Variants in PSMC2 observed in about 807,000 individuals in gnomAD.
The protein encoded by PSMC2 is 26S proteasome regulatory subunit 7.
Under a neutral mutation model 53.3 loss-of-function variants are expected in PSMC2, and 7 were observed. The ratio of observed to expected loss-of-function variants is 0.13; its 90% CI spans 0.07 to 0.25. The LOEUF is 0.25. Among genes scored for constraint, PSMC2 ranks in the 10% least tolerant of loss-of-function variants. PSMC2 has a pLI of 1.00. For missense variants in PSMC2, 241 were observed against 544.0 expected (o/e 0.44, Z 5.54); for synonymous variants, 169 against 183.9 (o/e 0.92, Z 0.66).
At chr7:103,362,931 T>A (rs1053248509) in intron 6 of PSMC2, among the ~76,000 whole-genome samples, 173 bp downstream of exon 6, 61 of 151,924 alleles carry the variant, frequency 4.0e-4, no homozygotes, top group African/African-American at 1.4e-3. Context: ...GTAGCTGGGA[T>A]TACAGGCACC....
At chr7:103,361,337 A>G (rs1400172187) in intron 4 of PSMC2, among the ~76,000 whole-genome samples, 3 of 120,024 alleles carry the variant, frequency 2.5e-5, no homozygotes, top group Non-Finnish European at 5.3e-5. Flanking sequence ...CCTCTCTACT[A>G]AAAAAAAAAA....
At chr7:103,354,727 G>A (rs1819935349) in intron 2 of PSMC2, 141 bp from the exon 3 acceptor site, 2 of 598,394 alleles carry the variant, frequency 3.3e-6, no homozygotes, top group South Asian at 4.1e-5. Flanking sequence ...GGGAAATATT[G>A]GGTCAGGAAT....
chr7:103,360,059 C>A (rs1388608472), intron 4 of PSMC2, among the ~76,000 whole-genome samples: 1 of 149,286 alleles, frequency 6.7e-6, no homozygotes, highest in Non-Finnish European at 1.5e-5. Flanking sequence ...CCAGCCTGGG[C>A]AGCAGTGAGA....
chr7:103,367,545 C>A lies in PSMC2; in HGVS notation c.977C>A (p.Thr326Asn). Residue 326 changes from threonine (T) to asparagine (N), a missense_variant, in exon 10 of 12, where the codon ACT becomes AAT. Physicochemically the swap from Thr to Asn is moderately conservative, Grantham distance 65 (BLOSUM62 0). Around this residue, in one of 6 missense-constraint regions of PSMC2, gnomAD observed 10 missense variants for 41.0 expected, o/e 0.24. Coordinates refer to ENST00000292644, the MANE Select transcript of PSMC2 (RefSeq NM_002803.4). The surrounding 1 kb of genome is among the most constrained non-coding windows in gnomAD (Gnocchi z 6.1). The stretch of plus-strand genomic sequence containing the variant: ...CTGATGGCCACTAACAGACCTGATA[C>A]TTTGGATCCAGCACTGATGAGGCCA... ...KVLMATNRPDTLDPALMRPGR... is the reference protein window; with the variant it reads ...KVLMATNRPDNLDPALMRPGR... The A allele has an allele frequency of 6.2e-7, 1 of 1,614,128 alleles. No homozygotes were observed. The highest frequency in any genetic ancestry group is 8.5e-7 in the Non-Finnish European group (1 of 1,180,032).
Position 103,347,652 on chromosome 7 carries a change from C to T in PSMC2, c.-60C>T, listed in dbSNP as rs1396014360. 4 of 1,599,032 alleles carry T rather than the reference C, an allele frequency of 2.5e-6. No individual in the cohort carries two copies. Among genetic ancestry groups the T allele is most frequent in the East Asian group, 2.2e-5 (1 of 44,718 alleles). On this transcript the variant is annotated 5_prime_UTR_variant, in exon 1 of 12. Coordinates refer to ENST00000292644, the MANE Select transcript of PSMC2 (RefSeq NM_002803.4). ...TGGGGAAGGGAAAGGGAAGACACCA[C>T]CGGAAGCAAGGAAGGTGCTGTGTAA... is the stretch of plus-strand genomic sequence containing the variant.
At position 103,367,562 on chromosome 7, in the gene PSMC2, A is replaced by G. The variant is rs989899179; in HGVS notation, c.994A>G (p.Met332Val). The G allele has an allele frequency of 1.2e-6, 2 of 1,614,066 alleles. No homozygotes were observed. The highest frequency in any genetic ancestry group is 1.7e-6 in the Non-Finnish European group (2 of 1,180,046). ...ACCTGATACTTTGGATCCAGCACTG[A>G]TGAGGCCAGGGAGATTGGATAGAAA... ...NRPDTLDPAL[M>V]RPGRLDRKIE... Residue 332 changes from methionine to valine, a missense_variant, in exon 10 of 12, where the codon ATG becomes GTG. By Grantham distance (21) the Met-to-Val change is conservative. Coordinates refer to ENST00000292644, the MANE Select transcript of PSMC2 (RefSeq NM_002803.4). This position sits in a 1 kb window ranked among gnomAD's most constrained non-coding sequence, Gnocchi z 6.1.
rs1820850462 is a variant in PSMC2 at position 103,368,643 on chromosome 7, C to T, written c.*589C>T. ...CATTGGATGTATATGTTTTGCATTG[C>T]CATTTGATTTCAAATTAATCAGGAA... On this transcript the variant is annotated 3_prime_UTR_variant, in exon 12 of 12. Coordinates refer to ENST00000292644, the MANE Select transcript of PSMC2 (RefSeq NM_002803.4). The T allele has an allele frequency of 1.3e-5, 2 of 151,976 alleles. No individual in the cohort carries two copies. The highest frequency in any genetic ancestry group is 4.1e-4 in the South Asian group (2 of 4,826). The allele number at this position is 151,976 out of a possible 1,614,324, so 9.4% of individuals were successfully genotyped here.
chr7:103,365,113 A>G (rs554994620), intron 8 of PSMC2, among the ~76,000 whole-genome samples: 4 of 151,904 alleles, frequency 2.6e-5, no homozygotes, highest in Admixed American at 6.5e-5. Flanking sequence ...TAAAACTTGC[A>G]AGTCAAATTC....
At chr7:103,362,901 C>G in intron 6 of PSMC2, 143 bp downstream of exon 6, 1 of 624,044 alleles carries the variant, frequency 1.6e-6, no homozygotes, top group Non-Finnish European at 2.8e-6. Context: ...TCAAGCAATT[C>G]TCCTGCCTCA....
At chr7:103,362,157 C>T (rs1820449797) in intron 5 of PSMC2, 69 bp downstream of exon 5, 1 of 1,590,240 alleles carries the variant, frequency 6.3e-7, no homozygotes, top group Non-Finnish European at 8.5e-7. Flanking sequence ...ATATCCTTGG[C>T]TTTGTAGTGA....
At chr7:103,352,847 C>A in intron 1 of PSMC2, 1 of 780,896 alleles carries the variant, frequency 1.3e-6, no homozygotes, top group Non-Finnish European at 2.4e-6. Flanking sequence ...CCCTGTCCAC[C>A]TGGCCCCAAA....
At position 103,363,312 on chromosome 7, in the gene PSMC2, C is replaced by T. The variant is rs200258655; in HGVS notation, c.496-32C>T. ...TGGACAGTATCCAAAAAGCCTGTGA[C>T]TGTATGTTGTACATTTCTGTCCCTC... On this transcript the variant is annotated intron_variant, in intron 6 of 11. Transcript: ENST00000292644. 670 of 1,537,912 alleles carry T rather than the reference C, an allele frequency of 4.4e-4. 5 individuals are homozygous for T. The highest frequency in any genetic ancestry group is 4.7e-5 in the Non-Finnish European group (52 of 1,110,894).
chr7:103,361,633 A>G (rs982368674), intron 4 of PSMC2, among the ~76,000 whole-genome samples: 3 of 152,164 alleles, frequency 2.0e-5, no homozygotes, highest in African/African-American at 7.2e-5. Flanking sequence ...TAGGGAAAAT[A>G]AAAACGAGAG....
chr7:103,350,978 G>A (rs1429515590), intron 1 of PSMC2, among the ~76,000 whole-genome samples: 4 of 151,972 alleles, frequency 2.6e-5, no homozygotes, highest in Non-Finnish European at 2.9e-5. Context: ...CCGTTTATCC[G>A]CCTGCTTCTT....
intron 8 of PSMC2, 87 bp downstream of exon 8, chr7:103,364,394 G>A: frequency 2.1e-6 from 3 of 1,435,338 alleles, no homozygotes; most frequent in Non-Finnish European, 2.9e-6. Context: ...TGCATTGAGG[G>A]ATCCAGACCT....
At chr7:103,354,007 A>G in intron 2 of PSMC2, 49 bp downstream of exon 2, 1 of 1,432,314 alleles carries the variant, frequency 7.0e-7, no homozygotes, top group Non-Finnish European at 9.5e-7. Flanking sequence ...TGTTGAAATA[A>G]AAACTGTTTT....
chr7:103,352,846 C>T, intron 1 of PSMC2: 1 of 780,876 alleles, frequency 1.3e-6, no homozygotes, highest in South Asian at 1.3e-5. Flanking sequence ...ACCCTGTCCA[C>T]CTGGCCCCAA....
At chr7:103,363,620 A>T (rs944523225) in intron 7 of PSMC2, among the ~76,000 whole-genome samples, 181 bp downstream of exon 7, 2 of 152,122 alleles carry the variant, frequency 1.3e-5, no homozygotes, top group Admixed American at 1.3e-4. Context: ...AGCAAAAAGG[A>T]TTGAGTGGTC....
chr7:103,348,693 C>A (rs928399265), intron 1 of PSMC2: 9 of 1,590,296 alleles, frequency 5.7e-6, no homozygotes, highest in African/African-American at 1.3e-5. Flanking sequence ...ACGGTCTGAT[C>A]CGGAAATATG....
Sources: gnomAD v4.1 joint callset for allele counts (sites outside exome capture counted in the v4.1 genomes callset) on GRCh38, gnomAD v4.1.1 for gene constraint, gnomAD v4.1.1 regional missense constraint, Gnocchi (gnomAD v3.1) non-coding constraint, MANE v1.5 for transcripts, NCBI Gene and HGNC (gene_info 2026-07-23, HGNC 2026-07-21) for gene names.